CLNK: variants seen among roughly 807,000 people sequenced by gnomAD.
The protein encoded by CLNK is cytokine-dependent hematopoietic cell linker.
Under a neutral mutation model 68.6 loss-of-function variants are expected in CLNK, and 74 were observed. That is an observed-to-expected ratio of 1.08 (90% CI 0.89 to 1.31). The LOEUF is 1.31. Among genes scored for constraint, CLNK ranks in the 50% most tolerant of loss-of-function variants. The probability of loss-of-function intolerance (pLI) is 0.00; values close to 1 mark genes in which losing one functional copy is unlikely to be tolerated. For synonymous variants in CLNK, 198 were observed against 172.2 expected (o/e 1.15, Z -1.17); for missense variants, 553 against 515.3 (o/e 1.07, Z -0.71).
intron 4 of CLNK, among the ~76,000 whole-genome samples, chr4:10,574,030 A>G (rs6855648): frequency 0.18 from 27,200 of 152,068 alleles, 2,735 homozygotes; most frequent in African/African-American, 0.27. Context: ...GCAGGATCTG[A>G]TTACTTTTTT....
At chr4:10,507,097 G>A (rs1287417546) in intron 17 of CLNK, among the ~76,000 whole-genome samples, 3 of 150,498 alleles carry the variant, frequency 2.0e-5, no homozygotes. Context: ...GAGCCACCGC[G>A]TCCGGCTGAA....
chr4:10,725,476 T>G, the CLNK span, among the ~76,000 whole-genome samples: 1 of 152,062 alleles, frequency 6.6e-6, no homozygotes, highest in African/African-American at 2.4e-5. Flanking sequence ...AGGACGCCCG[T>G]GCAGGTTCCT....
intron 3 of CLNK, among the ~76,000 whole-genome samples, chr4:10,586,023 G>A (rs771163074): frequency 6.6e-6 from 1 of 152,070 alleles, no homozygotes; most frequent in Non-Finnish European, 1.5e-5. Flanking sequence ...CACAAAGAGC[G>A]TGAACCTAGA....
chr4:10,714,167 C>T, the CLNK span, among the ~76,000 whole-genome samples: 1 of 152,188 alleles, frequency 6.6e-6, no homozygotes, highest in Non-Finnish European at 1.5e-5. Flanking sequence ...AACTATAGAC[C>T]TTTCCAGGAG....
chr4:10,582,627 C>T (rs1294398479), intron 4 of CLNK, among the ~76,000 whole-genome samples: 1 of 152,016 alleles, frequency 6.6e-6, no homozygotes, highest in Non-Finnish European at 1.5e-5. Context: ...AAGGTATTGA[C>T]CTTGACAGAC....
intron 18 of CLNK, among the ~76,000 whole-genome samples, chr4:10,496,508 T>C (rs1336966657): frequency 6.6e-6 from 1 of 152,200 alleles, no homozygotes; most frequent in African/African-American, 2.4e-5. Flanking sequence ...AAGAACCACC[T>C]GTGAATTGTC....
At chr4:10,541,397 C>A (rs888595110) in intron 10 of CLNK, among the ~76,000 whole-genome samples, 5 of 151,752 alleles carry the variant, frequency 3.3e-5, no homozygotes, top group Non-Finnish European at 1.5e-5. Context: ...AGCTGCTTCC[C>A]TCTAGCAGGG....
the CLNK span, among the ~76,000 whole-genome samples, chr4:10,699,494 C>CTCTCTCTATATA: frequency 4.0e-4 from 23 of 56,978 alleles, no homozygotes; most frequent in African/African-American, 5.4e-4. Flanking sequence ...CTCTCTCTCT[C>CTCTCTCTATATA]TATATATATA....
chr4:10,505,738 GC>G (rs370856393), intron 17 of CLNK, among the ~76,000 whole-genome samples: 1 of 151,930 alleles, frequency 6.6e-6, no homozygotes, highest in African/African-American at 2.4e-5. Context: ...ATTATACTGA[GC>G]CCCCCCAGAT....
At chr4:10,530,106 A>G (rs188882431) in intron 12 of CLNK, among the ~76,000 whole-genome samples, 1 of 147,362 alleles carries the variant, frequency 6.8e-6, no homozygotes, top group Admixed American at 6.8e-5. Context: ...TTTAGTTCAG[A>G]GCTAATTCTG....
chr4:10,703,774 A>C, the CLNK span, among the ~76,000 whole-genome samples: 4 of 152,206 alleles, frequency 2.6e-5, no homozygotes, highest in African/African-American at 7.2e-5. Flanking sequence ...TATACTGAAC[A>C]CTGGAGGAAA....
the CLNK span, among the ~76,000 whole-genome samples, chr4:10,699,512 A>ATATATATTTTTTT: frequency 4.3e-4 from 14 of 32,744 alleles, no homozygotes; most frequent in African/African-American, 9.3e-4. Flanking sequence ...ATATATATAT[A>ATATATATTTTTTT]TTTTTTTTTT....
At chr4:10,590,231 T>C (rs1721134978) in intron 3 of CLNK, among the ~76,000 whole-genome samples, 1 of 152,256 alleles carries the variant, frequency 6.6e-6, no homozygotes, top group African/African-American at 2.4e-5. Context: ...TTTGAATAAT[T>C]TAATACATCT....
intron 1 of CLNK, among the ~76,000 whole-genome samples, chr4:10,683,579 G>A (rs1473462315): frequency 6.6e-6 from 1 of 152,154 alleles, no homozygotes; most frequent in Admixed American, 6.5e-5. Flanking sequence ...GAGAACTCAA[G>A]TTCTTCACCT....
chr4:10,593,817 C>T (rs575934940), intron 3 of CLNK, among the ~76,000 whole-genome samples: 2 of 152,224 alleles, frequency 1.3e-5, no homozygotes, highest in Non-Finnish European at 2.9e-5. Context: ...GGAAGAACTC[C>T]ATAGCCAATG....
chr4:10,510,303 G>T (rs1717523787), intron 16 of CLNK, among the ~76,000 whole-genome samples: 1 of 152,052 alleles, frequency 6.6e-6, no homozygotes, highest in African/African-American at 2.4e-5. Flanking sequence ...TTTCATTTTG[G>T]CCAAATATGT....
chr4:10,595,432 G>A (rs1162320936), intron 3 of CLNK, among the ~76,000 whole-genome samples: 1 of 152,182 alleles, frequency 6.6e-6, no homozygotes, highest in Non-Finnish European at 1.5e-5. Flanking sequence ...TTAGTAGGAT[G>A]TTATAAAACA....
At chr4:10,720,901 A>G in the CLNK span, among the ~76,000 whole-genome samples, 1 of 151,962 alleles carries the variant, frequency 6.6e-6, no homozygotes, top group African/African-American at 2.4e-5. Context: ...TATAATATTA[A>G]AAACTGGAAA....
intron 4 of CLNK, among the ~76,000 whole-genome samples, chr4:10,580,639 A>G (rs546316869): frequency 3.3e-5 from 5 of 152,180 alleles, no homozygotes; most frequent in Admixed American, 6.5e-5. Flanking sequence ...TAAAAAGTAA[A>G]AAAAAATAAA....
Sources: allele counts gnomAD v4.1 joint callset (sites outside exome capture counted in the v4.1 genomes callset), GRCh38; gene constraint gnomAD v4.1.1; transcripts MANE v1.5; gene names NCBI Gene and HGNC (gene_info 2026-07-23, HGNC 2026-07-21).